The following KCNC2 variants were observed in gnomAD, a reference collection of about 807,000 sequenced individuals.
KCNC2 encodes the protein voltage-gated potassium channel KCNC2.
KCNC2 carries 21 observed loss-of-function variants against 44.5 expected under a neutral mutation model. The observed-to-expected ratio is 0.47, with a 90% CI of 0.33 to 0.68. KCNC2 has a LOEUF of 0.68. KCNC2 is among the 30% of genes least tolerant of loss of function. The pLI is 0.01. For missense variants in KCNC2, 589 were observed against 826.2 expected (o/e 0.71, Z 3.52); for synonymous variants, 391 against 339.1 (o/e 1.15, Z -1.68).
chr12:75,067,426 C>G (rs1882941180), intron 2 of KCNC2, among the ~76,000 whole-genome samples: 1 of 151,944 alleles, frequency 6.6e-6, no homozygotes, highest in East Asian at 1.9e-4. Flanking sequence ...TATATTCAAC[C>G]AACACTTATT....
At chr12:75,128,155 A>T (rs12581315) in intron 2 of KCNC2, among the ~76,000 whole-genome samples, 22,877 of 152,096 alleles carry the variant, frequency 0.15, 2,047 homozygotes, top group Middle Eastern at 0.27. Context: ...TCAACATAAA[A>T]TGAAATTATT....
chr12:75,150,344 T>C (rs1439764583), intron 2 of KCNC2, among the ~76,000 whole-genome samples: 1 of 151,912 alleles, frequency 6.6e-6, no homozygotes, highest in Non-Finnish European at 1.5e-5. Flanking sequence ...CTGTGAAATA[T>C]ATCACACTAC....
At chr12:75,182,588 C>T (rs999205372) in intron 2 of KCNC2, among the ~76,000 whole-genome samples, 3 of 150,240 alleles carry the variant, frequency 2.0e-5, no homozygotes, top group East Asian at 2.0e-4. Context: ...CTCTATGATA[C>T]TCTCTAAGGT....
intron 2 of KCNC2, among the ~76,000 whole-genome samples, chr12:75,112,781 G>C (rs1887355011): frequency 6.6e-6 from 1 of 151,850 alleles, no homozygotes; most frequent in Admixed American, 6.6e-5. Context: ...TAATCTAATA[G>C]ACATATTAAG....
At chr12:75,054,338 A>G (rs1255112813) in intron 2 of KCNC2, among the ~76,000 whole-genome samples, 1 of 152,132 alleles carries the variant, frequency 6.6e-6, no homozygotes, top group African/African-American at 2.4e-5. Context: ...GGATTCTAAG[A>G]CAGAACAAAA....
chr12:75,105,508 G>T (rs1219419396), intron 2 of KCNC2, among the ~76,000 whole-genome samples: 1 of 152,162 alleles, frequency 6.6e-6, no homozygotes, highest in African/African-American at 2.4e-5. Flanking sequence ...AGAGGACAAA[G>T]GTGAAGGCAG....
chr12:75,130,375 A>G (rs1021745033), intron 2 of KCNC2, among the ~76,000 whole-genome samples: 5 of 152,168 alleles, frequency 3.3e-5, no homozygotes, highest in Non-Finnish European at 5.9e-5. Context: ...CCAGTCCATA[A>G]GCTTTTTTGA....
At chr12:75,068,831 C>T (rs923661209) in intron 2 of KCNC2, among the ~76,000 whole-genome samples, 1 of 152,004 alleles carries the variant, frequency 6.6e-6, no homozygotes, top group Non-Finnish European at 1.5e-5. Flanking sequence ...TCAGGAATGA[C>T]CAGGGTAGAG....
At chr12:75,133,605 T>G (rs1889013769) in intron 2 of KCNC2, among the ~76,000 whole-genome samples, 1 of 151,964 alleles carries the variant, frequency 6.6e-6, no homozygotes. Flanking sequence ...TATATAAAAT[T>G]TTTACTATTT....
intron 2 of KCNC2, among the ~76,000 whole-genome samples, chr12:75,102,925 T>C (rs1351389111): frequency 6.6e-6 from 1 of 152,122 alleles, no homozygotes; most frequent in African/African-American, 2.4e-5. Flanking sequence ...GTGTTTTCTT[T>C]GAATTTCTCA....
intron 2 of KCNC2, among the ~76,000 whole-genome samples, chr12:75,066,031 T>C (rs181848816): frequency 3.9e-5 from 6 of 152,214 alleles, no homozygotes; most frequent in Non-Finnish European, 1.5e-5. Context: ...AAATATCAAA[T>C]ATACGTCTAT....
chr12:75,120,681 G>T lies in KCNC2; in HGVS notation c.688-69364C>A, dbSNP rs1027294077. ...GCTCTTACAAAAGACTCCTTGGCAT[G>T]TGATTATTAATTACCCTCCCAGGAA... On this transcript the variant is annotated intron_variant, in intron 2 of 4. Transcript: ENST00000549446. 3.3e-5 allele frequency among the ~76,000 whole-genome samples: 5 copies of T among 152,132 alleles called. No individual in the cohort carries two copies. In the East Asian group the frequency reaches 5.8e-4, roughly 18 times the overall value.
intron 2 of KCNC2, among the ~76,000 whole-genome samples, chr12:75,175,018 G>A (rs1411196919): frequency 6.6e-6 from 1 of 151,904 alleles, no homozygotes; most frequent in Non-Finnish European, 1.5e-5. Context: ...AGATGCCAAG[G>A]AATCTGCTTC....
intron 2 of KCNC2, among the ~76,000 whole-genome samples, chr12:75,201,286 A>AC (rs1565693605): frequency 9.1e-6 from 1 of 109,658 alleles, no homozygotes; most frequent in Non-Finnish European, 2.0e-5. Flanking sequence ...AAAAAAAAAA[A>AC]AAAAAAAAAA....
intron 2 of KCNC2, among the ~76,000 whole-genome samples, chr12:75,110,810 T>C (rs948863482): frequency 1.3e-5 from 2 of 152,094 alleles, no homozygotes; most frequent in Admixed American, 6.6e-5. Flanking sequence ...AAAAAGAAGA[T>C]AAATATTCAG....
At chr12:75,186,570 G>T (rs567883500) in intron 2 of KCNC2, among the ~76,000 whole-genome samples, 8 of 151,976 alleles carry the variant, frequency 5.3e-5, no homozygotes, top group African/African-American at 1.9e-4. Context: ...TTATTCAAGG[G>T]ACACTTTTAT....
At chr12:75,205,720 A>G (rs2031629295) in intron 2 of KCNC2, among the ~76,000 whole-genome samples, 1 of 152,136 alleles carries the variant, frequency 6.6e-6, no homozygotes, top group Non-Finnish European at 1.5e-5. Context: ...CACCAAGTGG[A>G]AAGAGCTCCA....
chr12:75,042,886 T>C lies in KCNC2; in HGVS notation c.*219A>G. ...TGCAAAAGGATATCAGGGCAATTAA[T>C]AGGAGGGATCTTAGCACTACTTTAG... On this transcript the variant is annotated 3_prime_UTR_variant, in exon 5 of 5. Coordinates refer to ENST00000549446, the MANE Select transcript of KCNC2 (RefSeq NM_139137.4). 7.5e-7 allele frequency: 1 copy of C among 1,336,294 alleles called. No individual in the cohort carries two copies. Among genetic ancestry groups the C allele is most frequent in the South Asian group, 2.0e-5 (1 of 48,782 alleles). The allele number at this position is 1,336,294 out of a possible 1,614,324, so 82.8% of individuals were successfully genotyped here. A position where few individuals can be genotyped will look rare whatever the true frequency, so the allele number is the denominator to read the frequency against.
At chr12:75,153,445 A>G (rs1890544044) in intron 2 of KCNC2, among the ~76,000 whole-genome samples, 1 of 151,874 alleles carries the variant, frequency 6.6e-6, no homozygotes, top group South Asian at 2.1e-4. Flanking sequence ...AGAGTGGAAT[A>G]GCAGACATAG....
Sources: gnomAD v4.1 joint callset for allele counts (sites outside exome capture counted in the v4.1 genomes callset) on GRCh38, gnomAD v4.1.1 for gene constraint, MANE v1.5 for transcripts, NCBI Gene and HGNC (gene_info 2026-07-23, HGNC 2026-07-21) for gene names.